Variants in DNAJB6 observed in about 807,000 individuals in gnomAD.
The protein encoded by DNAJB6 is DnaJ heat shock protein family (Hsp40) member B6, also known as dnaJ homolog subfamily B member 6.
DNAJB6 carries 16 observed loss-of-function variants against 42.7 expected under a neutral mutation model. That is an observed-to-expected ratio of 0.37 (90% CI 0.25 to 0.57). DNAJB6 has a LOEUF of 0.57. DNAJB6 is among the 20% of genes least tolerant of loss of function. The probability of loss-of-function intolerance (pLI) is 0.74; values close to 1 mark genes in which losing one functional copy is unlikely to be tolerated. For synonymous variants in DNAJB6, 170 were observed against 163.5 expected, an observed-to-expected ratio of 1.04 and a Z score of -0.30; for missense variants, 347 against 416.8, an observed-to-expected ratio of 0.83 and a Z score of 1.46.
chr7:157,338,153 A>G (rs1798148720), intron 1 of DNAJB6, among the ~76,000 whole-genome samples: 2 of 152,222 alleles, frequency 1.3e-5, no homozygotes, highest in African/African-American at 4.8e-5. Context: ...GTGAAGACCG[A>G]AGAAAGGAAA....
chr7:157,409,820 T>C lies in DNAJB6; in HGVS notation c.717T>C (p.Ala239=), dbSNP rs1343148460. 6.5e-7 allele frequency: 1 copy of C among 1,531,916 alleles called. No homozygotes were observed. Among genetic ancestry groups the C allele is most frequent in the African/African-American group, 1.4e-5 (1 of 72,858 alleles). The allele number at this position is 1,531,916 out of a possible 1,614,324, so 94.9% of individuals were successfully genotyped here. Residue 239 remains alanine (A), a synonymous_variant, in exon 9 of 10, where the codon GCT becomes GCC. Coordinates refer to ENST00000262177, the MANE Select transcript of DNAJB6 (RefSeq NM_058246.4). ...INGVADDDAL[A]EERMRRGQNA... ...GTGTGGCCGACGACGATGCCCTCGC[T>C]GAGGAGCGCATGCGGAGAGGCCAGA...
At chr7:157,337,785 G>C (rs1039253153) in intron 1 of DNAJB6, 1 of 152,272 alleles carries the variant, frequency 6.6e-6, no homozygotes, top group Non-Finnish European at 1.5e-5. Context: ...TATATAAGAA[G>C]TTTACATTAA....
chr7:157,345,000 T>C (rs947286169), intron 1 of DNAJB6, among the ~76,000 whole-genome samples: 8 of 152,170 alleles, frequency 5.3e-5, no homozygotes, highest in African/African-American at 1.9e-4. Context: ...TTTTTATTTA[T>C]TTTATTTTTT....
chr7:157,355,837 C>T (rs1799244995), intron 1 of DNAJB6, among the ~76,000 whole-genome samples: 1 of 152,202 alleles, frequency 6.6e-6, no homozygotes, highest in Non-Finnish European at 1.5e-5. Flanking sequence ...GTGGATGCTG[C>T]ACGTACATGA....
intron 1 of DNAJB6, among the ~76,000 whole-genome samples, chr7:157,339,203 A>AC (rs534784439): frequency 1.1e-3 from 163 of 147,118 alleles, no homozygotes; most frequent in African/African-American, 3.9e-3. Context: ...GGACAGTGGT[A>AC]CCCGTCACCC....
chr7:157,398,078 G>A (rs1801682582), intron 8 of DNAJB6, among the ~76,000 whole-genome samples: 1 of 152,236 alleles, frequency 6.6e-6, no homozygotes, highest in Non-Finnish European at 1.5e-5. Flanking sequence ...CGGGTTCCTA[G>A]CGTTTCCCCA....
At chr7:157,379,299 C>G (rs1436613452) in intron 5 of DNAJB6, 2 of 152,140 alleles carry the variant, frequency 1.3e-5, no homozygotes, top group Non-Finnish European at 2.9e-5. Context: ...TGGACAACTT[C>G]TAAGGGTTTA....
Position 157,367,478 on chromosome 7 carries a change from T to A in DNAJB6, c.341T>A (p.Phe114Tyr), listed in dbSNP as rs769584019. 2.5e-6 allele frequency: 4 copies of A among 1,595,234 alleles called. No homozygotes were observed. The East Asian group carries it at 6.7e-5, about 27-fold the overall frequency. Residue 114 changes from phenylalanine to tyrosine, a missense_variant, in exon 5 of 10, where the codon TTC becomes TAC. Physicochemically the swap from Phe to Tyr is conservative, Grantham distance 22. Transcript: ENST00000262177. ...GGAAGGGACCCATTTTCATTTGACT[T>A]CTTTGGTAAGTTAATCACGTGGGTT... ...FGGRDPFSFD[F>Y]FEDPFEDFFG...
chr7:157,392,335 T>G (rs1348102369), intron 8 of DNAJB6, among the ~76,000 whole-genome samples: 2 of 151,926 alleles, frequency 1.3e-5, no homozygotes, highest in Non-Finnish European at 1.5e-5. Flanking sequence ...TTGATTAGTC[T>G]TTAGCCTGCT....
intron 3 of DNAJB6, among the ~76,000 whole-genome samples, chr7:157,364,882 C>T (rs1799770216): frequency 6.6e-6 from 1 of 152,226 alleles, no homozygotes; most frequent in Non-Finnish European, 1.5e-5. Context: ...ATGGCACTGG[C>T]TACCTGAAAC....
At chr7:157,339,552 G>T (rs181848463) in intron 1 of DNAJB6, among the ~76,000 whole-genome samples, 121 of 151,612 alleles carry the variant, frequency 8.0e-4, no homozygotes, top group East Asian at 4.6e-3. Flanking sequence ...CGCCTCCTCG[G>T]CCTCCCAAAG....
chr7:157,367,006 G>A (rs564748650), intron 4 of DNAJB6, among the ~76,000 whole-genome samples: 2 of 152,310 alleles, frequency 1.3e-5, no homozygotes, highest in African/African-American at 2.4e-5. Flanking sequence ...CTGGGGCCAC[G>A]CGGCAGCTTC....
At chr7:157,415,477 A>C (rs115846619) in intron 9 of DNAJB6, 2,780 of 156,640 alleles carry the variant, frequency 0.018, 81 homozygotes, top group African/African-American at 0.063. Context: ...GAAAGGCTGC[A>C]CTGTGGCCAG....
chr7:157,338,268 T>A (rs1263262482), intron 1 of DNAJB6, among the ~76,000 whole-genome samples: 1 of 152,156 alleles, frequency 6.6e-6, no homozygotes, highest in Non-Finnish European at 1.5e-5. Context: ...AAAGGAATTA[T>A]ATGCAGCCGC....
At chr7:157,340,264 G>C (rs11773707) in intron 1 of DNAJB6, among the ~76,000 whole-genome samples, 82,745 of 152,008 alleles carry the variant, frequency 0.54, 22,787 homozygotes, top group East Asian at 0.76. Context: ...TGTTCAAAAT[G>C]TGGTTTGGTT....
At chr7:157,412,748 G>A (rs55894617) in intron 9 of DNAJB6, 3,176 of 152,344 alleles carry the variant, frequency 0.021, 115 homozygotes, top group African/African-American at 0.072. Flanking sequence ...GCCTCCAGCC[G>A]TCTGACCCGT....
rs370487386 is a variant in DNAJB6 at position 157,382,695 on chromosome 7, CACTA to C, written c.478+321_478+324del. On this transcript the variant is annotated intron_variant, in intron 6 of 9. Coordinates refer to ENST00000262177, the MANE Select transcript of DNAJB6 (RefSeq NM_058246.4). The stretch of plus-strand genomic sequence containing the variant: ...GGAAAGTAACGCAGTTGGAAAATCT[CACTA>C]ACCTTCATGCTGTCTAACCTCCTTT... 2.9e-3 allele frequency: 514 copies of C among 178,404 alleles called. 3 individuals carry two copies. Among genetic ancestry groups the C allele is most frequent in the African/African-American group, 0.012 (487 of 42,084 alleles). 11.1% of individuals were successfully genotyped at this position (178,404 alleles called of 1,614,324 possible). A position where few individuals can be genotyped will look rare whatever the true frequency, so the allele number is the denominator to read the frequency against.
intron 5 of DNAJB6, among the ~76,000 whole-genome samples, chr7:157,375,727 G>C (rs917749219): frequency 1.3e-4 from 20 of 152,234 alleles, no homozygotes; most frequent in Admixed American, 3.3e-4. Flanking sequence ...TGCTACTTCT[G>C]AAAATGTGAG....
intron 1 of DNAJB6, among the ~76,000 whole-genome samples, chr7:157,352,019 A>C (rs1799008576): frequency 6.6e-6 from 1 of 151,656 alleles, no homozygotes; most frequent in African/African-American, 2.4e-5. Context: ...ACAAACAAAC[A>C]AAAAAACAAA....
Sources: gnomAD v4.1 joint callset for allele counts (sites outside exome capture counted in the v4.1 genomes callset) on GRCh38, gnomAD v4.1.1 for gene constraint, MANE v1.5 for transcripts, NCBI Gene and HGNC (gene_info 2026-07-23, HGNC 2026-07-21) for gene names.